Variants in APBA1 observed in about 807,000 individuals in gnomAD.
The protein encoded by APBA1 is amyloid-beta A4 precursor protein-binding family A member 1.
A neutral mutation model predicts 86.6 loss-of-function variants in APBA1; 55 were observed. That is an observed-to-expected ratio of 0.64 (90% CI 0.51 to 0.80). The LOEUF (loss-of-function observed/expected upper bound fraction) is 0.80, where lower values mean the gene tolerates loss of function less well. Among genes scored for constraint, APBA1 ranks in the 30% least tolerant of loss-of-function variants. The pLI is 0.00. For synonymous variants in APBA1, 511 were observed against 493.9 expected, an observed-to-expected ratio of 1.03 and a Z score of -0.46; for missense variants, 1,090 against 1,183.0, an observed-to-expected ratio of 0.92 and a Z score of 1.15.
At chr9:69,636,882 GGAAGGAAA>G (rs1823180194) in intron 1 of APBA1, among the ~76,000 whole-genome samples, 3 of 99,506 alleles carry the variant, frequency 3.0e-5, no homozygotes, top group Admixed American at 1.2e-4. Context: ...AAAGAAAGAA[GGAAGGAAA>G]GAAGGAAGGA....
chr9:69,449,555 A>G, intron 10 of APBA1, 29 bp downstream of exon 10: 1 of 1,581,200 alleles, frequency 6.3e-7, no homozygotes, highest in Non-Finnish European at 8.7e-7. Flanking sequence ...GGTTTACCAC[A>G]TCAACTGATT....
At chr9:69,583,313 T>TTA (rs1468584731) in intron 1 of APBA1, among the ~76,000 whole-genome samples, 1 of 152,118 alleles carries the variant, frequency 6.6e-6, no homozygotes, top group Non-Finnish European at 1.5e-5. Context: ...TGTGAGCCCC[T>TTA]AAAAAAACCC....
rs146724099 is a variant in APBA1 at position 69,457,007 on chromosome 9, G to T, written c.1602+46C>A. ...ACAGACACATGCATCTCTGAGTTACGATGTCACTAAGCTTCACCCTGGGAA... is the reference window on the plus strand; with the variant it reads ...ACAGACACATGCATCTCTGAGTTACTATGTCACTAAGCTTCACCCTGGGAA... On this transcript the variant is annotated intron_variant, in intron 7 of 12. Coordinates refer to ENST00000265381, the MANE Select transcript of APBA1 (RefSeq NM_001163.4). 489 of 1,495,032 alleles carry T rather than the reference G, an allele frequency of 3.3e-4. 2 individuals are homozygous for T. The highest frequency in any genetic ancestry group is 3.1e-3 in the African/African-American group (223 of 72,472). The allele number at this position is 1,495,032 out of a possible 1,614,324, so 92.6% of individuals were successfully genotyped here.
chr9:69,435,100 C>T (rs1834681504), intron 11 of APBA1, among the ~76,000 whole-genome samples: 1 of 151,958 alleles, frequency 6.6e-6, no homozygotes, highest in African/African-American at 2.4e-5. Flanking sequence ...TAGCTTCATC[C>T]ATGTCCCTAC....
intron 1 of APBA1, among the ~76,000 whole-genome samples, chr9:69,552,223 C>T (rs964263978): frequency 3.3e-5 from 5 of 152,188 alleles, no homozygotes; most frequent in Non-Finnish European, 7.3e-5. Flanking sequence ...GTGTTTGCCT[C>T]CAAGATGATC....
At chr9:69,610,822 T>C (rs1822571830) in intron 1 of APBA1, among the ~76,000 whole-genome samples, 1 of 152,230 alleles carries the variant, frequency 6.6e-6, no homozygotes, top group Non-Finnish European at 1.5e-5. Context: ...TCCTGCCAGC[T>C]ACAAGGCTTT....
At chr9:69,536,720 A>C (rs1470493440) in intron 1 of APBA1, among the ~76,000 whole-genome samples, 1 of 149,358 alleles carries the variant, frequency 6.7e-6, no homozygotes, top group East Asian at 1.9e-4. Flanking sequence ...AAAAAAAAAA[A>C]AAAAAAAAAA....
intron 12 of APBA1, 43 bp from the exon 13 acceptor site, chr9:69,431,441 G>T: frequency 1.3e-6 from 2 of 1,575,868 alleles, no homozygotes; most frequent in Non-Finnish European, 1.7e-6. Flanking sequence ...TGAGGCTGGG[G>T]GCTGGCTGCG....
Position 69,612,002 on chromosome 9 carries a change from G to T in APBA1, c.-70+60151C>A, listed in dbSNP as rs528343494. Among the ~76,000 whole-genome samples the T allele has an allele frequency of 6.6e-5, 10 of 152,130 alleles. No homozygotes were observed. In the South Asian group the frequency reaches 1.9e-3, roughly 28 times the overall value. ...AATTGTTGGCATCCACTTTTGTCTG[G>T]TTTTGCTAATCAGATGGGATTATAT... On this transcript the variant is annotated intron_variant, in intron 1 of 12. Transcript: ENST00000265381.
intron 1 of APBA1, among the ~76,000 whole-genome samples, chr9:69,605,181 T>C (rs1226742576): frequency 6.6e-6 from 1 of 152,162 alleles, no homozygotes; most frequent in African/African-American, 2.4e-5. Context: ...AAACAGCTCA[T>C]ATTTATATAG....
intron 5 of APBA1, among the ~76,000 whole-genome samples, chr9:69,466,272 C>A (rs1281626760): frequency 2.0e-5 from 3 of 152,112 alleles, no homozygotes; most frequent in Non-Finnish European, 2.9e-5. Context: ...CTGGGAACTG[C>A]AGGATAACTG....
chr9:69,638,560 A>G (rs964170712), intron 1 of APBA1, among the ~76,000 whole-genome samples: 2 of 152,188 alleles, frequency 1.3e-5, no homozygotes, highest in Non-Finnish European at 2.9e-5. Flanking sequence ...TGAATAATAC[A>G]GCCCTTGCCC....
At chr9:69,640,471 A>C (rs1227508898) in intron 1 of APBA1, among the ~76,000 whole-genome samples, 1 of 151,998 alleles carries the variant, frequency 6.6e-6, no homozygotes, top group African/African-American at 2.4e-5. Context: ...TAAAAAAATT[A>C]ATGTATATAA....
intron 1 of APBA1, among the ~76,000 whole-genome samples, chr9:69,595,283 T>C (rs1822205751): frequency 6.6e-6 from 1 of 152,214 alleles, no homozygotes; most frequent in Non-Finnish European, 1.5e-5. Flanking sequence ...CAATCTCCTT[T>C]GACTTATCTT....
chr9:69,519,448 T>C lies in APBA1; in HGVS notation c.-69-2169A>G, dbSNP rs200990184. Among the ~76,000 whole-genome samples, 11 of 152,190 alleles carry C rather than the reference T, an allele frequency of 7.2e-5. No homozygotes were observed. In the East Asian group the frequency reaches 2.1e-3, roughly 29 times the overall value. ...CAAATATTCAATTCAATACAACACA[T>C]GGACAAGAACATCATACCCAAGTTG... On this transcript the variant is annotated intron_variant, in intron 1 of 12. Transcript: ENST00000265381.
At chr9:69,667,178 T>C (rs1216672109) in intron 1 of APBA1, among the ~76,000 whole-genome samples, 1 of 152,240 alleles carries the variant, frequency 6.6e-6, no homozygotes, top group African/African-American at 2.4e-5. Flanking sequence ...AAGTGGAGTC[T>C]TTTATTTGGA....
chr9:69,520,681 C>T (rs931400972), intron 1 of APBA1, among the ~76,000 whole-genome samples: 17 of 152,186 alleles, frequency 1.1e-4, no homozygotes, highest in African/African-American at 4.1e-4. Context: ...CCTACCCACC[C>T]TCGCTCTCAA....
At chr9:69,624,507 G>A (rs543063546) in intron 1 of APBA1, among the ~76,000 whole-genome samples, 1 of 152,146 alleles carries the variant, frequency 6.6e-6, no homozygotes, top group Non-Finnish European at 1.5e-5. Flanking sequence ...ATCCTCACTA[G>A]GTATTGAATA....
intron 1 of APBA1, among the ~76,000 whole-genome samples, chr9:69,597,200 T>C (rs1218697867): frequency 6.6e-6 from 1 of 152,254 alleles, no homozygotes; most frequent in Admixed American, 6.5e-5. Context: ...TTTTTAATGA[T>C]TGCCATTCTA....
Sources: gnomAD v4.1 joint callset for allele counts (sites outside exome capture counted in the v4.1 genomes callset) on GRCh38, gnomAD v4.1.1 for gene constraint, MANE v1.5 for transcripts, NCBI Gene and HGNC (gene_info 2026-07-23, HGNC 2026-07-21) for gene names.